DPP10: variants seen among roughly 807,000 people sequenced by gnomAD.
The protein encoded by DPP10 is inactive dipeptidyl peptidase 10.
In DPP10, 33 loss-of-function variants were observed where a neutral mutation model predicts 120.9. The ratio of observed to expected loss-of-function variants is 0.27; its 90% CI spans 0.21 to 0.37. The LOEUF is 0.37. DPP10 is among the 10% of genes least tolerant of loss of function. DPP10 has a pLI of 1.00. For synonymous variants in DPP10, 337 were observed against 326.1 expected, an observed-to-expected ratio of 1.03 and a Z score of -0.36; for missense variants, 816 against 942.8, an observed-to-expected ratio of 0.87 and a Z score of 1.76.
At chr2:115,387,384 T>C in intron 3 of DPP10, among the ~76,000 whole-genome samples, 1 of 152,328 alleles carries the variant, frequency 6.6e-6, no homozygotes, top group East Asian at 1.9e-4. Flanking sequence ...GAAAAGAAAT[T>C]ACAGAGATTT....
chr2:114,774,886 A>G (rs146191436), intron 1 of DPP10, among the ~76,000 whole-genome samples: 267 of 152,026 alleles, frequency 1.8e-3, no homozygotes, highest in African/African-American at 6.2e-3. Context: ...CTCTTTACTA[A>G]TTATGGAACG....
At chr2:114,791,801 G>A (rs902068166) in intron 1 of DPP10, among the ~76,000 whole-genome samples, 3 of 152,170 alleles carry the variant, frequency 2.0e-5, no homozygotes, top group African/African-American at 7.2e-5. Flanking sequence ...ATACATAGGA[G>A]GTGGGCATAT....
intron 5 of DPP10, among the ~76,000 whole-genome samples, chr2:115,555,748 A>G (rs183298198): frequency 6.7e-4 from 102 of 152,172 alleles, no homozygotes; most frequent in Non-Finnish European, 1.4e-3. Flanking sequence ...TTTTCTATCT[A>G]AAGATGGTAT....
intron 4 of DPP10, among the ~76,000 whole-genome samples, chr2:115,513,657 C>T (rs2077351032): frequency 6.6e-6 from 1 of 151,950 alleles, no homozygotes; most frequent in African/African-American, 2.4e-5. Flanking sequence ...ATTCCAACTT[C>T]ATTTCATGTT....
At chr2:115,176,365 G>A (rs538631079) in intron 1 of DPP10, among the ~76,000 whole-genome samples, 2 of 148,344 alleles carry the variant, frequency 1.3e-5, no homozygotes, top group Non-Finnish European at 3.0e-5. Flanking sequence ...ATTATGTAAT[G>A]TAATCAATTG....
chr2:115,516,621 A>G (rs1398694136), intron 4 of DPP10, among the ~76,000 whole-genome samples: 6 of 136,568 alleles, frequency 4.4e-5, no homozygotes, highest in Non-Finnish European at 7.9e-5. Flanking sequence ...GAATCTTCTT[A>G]ATGGTCAGAT....
chr2:114,859,553 A>G (rs1048113597), intron 1 of DPP10, among the ~76,000 whole-genome samples: 1 of 152,336 alleles, frequency 6.6e-6, no homozygotes, highest in East Asian at 1.9e-4. Context: ...TAATCAAACT[A>G]GTAATTTGAT....
At chr2:115,782,439 G>T (rs1682882429) in intron 17 of DPP10, 40 bp downstream of exon 17, 1 of 1,561,734 alleles carries the variant, frequency 6.4e-7, no homozygotes, top group Non-Finnish European at 8.8e-7. Flanking sequence ...GTTATGGTTG[G>T]CATTAGTCTT....
intron 3 of DPP10, among the ~76,000 whole-genome samples, chr2:115,429,692 C>T (rs2070794891): frequency 6.6e-6 from 1 of 151,956 alleles, no homozygotes; most frequent in Non-Finnish European, 1.5e-5. Context: ...CTAGAACCTT[C>T]GTTTGGTTCA....
chr2:114,753,737 A>C (rs1679453299), intron 1 of DPP10, among the ~76,000 whole-genome samples: 1 of 151,858 alleles, frequency 6.6e-6, no homozygotes, highest in South Asian at 2.1e-4. Flanking sequence ...GTGAAACCCC[A>C]TCTATACTTA....
chr2:114,841,605 G>A (rs143301075), intron 1 of DPP10, among the ~76,000 whole-genome samples: 34 of 152,240 alleles, frequency 2.2e-4, no homozygotes, highest in African/African-American at 7.2e-4. Flanking sequence ...TTCCCAGGAA[G>A]AGAAGTACTA....
rs149628763 is a variant in DPP10 at position 115,286,981 on chromosome 2, T to A, written c.61-22258T>A. Among the ~76,000 whole-genome samples the A allele has an allele frequency of 2.0e-5, 3 of 152,008 alleles. No homozygotes were observed. The South Asian group carries it at 6.2e-4, about 32-fold the overall frequency. On this transcript the variant is annotated intron_variant, in intron 1 of 25. Coordinates refer to ENST00000410059, the MANE Select transcript of DPP10 (RefSeq NM_020868.6). ...TCTCTCTGTGAAAGCTGGCCAAATA[T>A]TCAAGAATGTACTGAAATATTCAAA...
At chr2:115,746,325 T>A (rs1304243471) in intron 10 of DPP10, 142 bp downstream of exon 10, 2 of 750,762 alleles carry the variant, frequency 2.7e-6, no homozygotes, top group African/African-American at 3.6e-5. Flanking sequence ...TAGTGAGGAA[T>A]GAAGTCATTC....
intron 1 of DPP10, among the ~76,000 whole-genome samples, chr2:114,456,048 C>T (rs1158104229): frequency 6.6e-6 from 1 of 152,084 alleles, no homozygotes. Flanking sequence ...ACTTGACTAT[C>T]CCATCATTAT....
intron 1 of DPP10, among the ~76,000 whole-genome samples, chr2:115,223,767 T>C (rs1337773093): frequency 1.3e-5 from 2 of 152,080 alleles, no homozygotes; most frequent in Non-Finnish European, 2.9e-5. Flanking sequence ...AAAGTTGGAA[T>C]CTTTTCGAAG....
chr2:115,251,472 C>T (rs960044313), intron 1 of DPP10, among the ~76,000 whole-genome samples: 6 of 152,090 alleles, frequency 3.9e-5, no homozygotes, highest in African/African-American at 1.4e-4. Flanking sequence ...TATTAGAAAG[C>T]TTTTACTGCG....
chr2:115,798,919 T>C (rs57163631), intron 19 of DPP10, among the ~76,000 whole-genome samples: 2,189 of 152,152 alleles, frequency 0.014, 71 homozygotes, highest in African/African-American at 0.051. Context: ...TGTAGCCTTC[T>C]TCATTAATCC....
chr2:115,775,677 T>G (rs1227948632), intron 13 of DPP10, among the ~76,000 whole-genome samples: 1 of 152,050 alleles, frequency 6.6e-6, no homozygotes, highest in African/African-American at 2.4e-5. Context: ...TTTAGTACAA[T>G]TTATGACATG....
At chr2:115,766,336 ATG>A (rs5833631) in intron 12 of DPP10, among the ~76,000 whole-genome samples, 29,785 of 79,830 alleles carry the variant, frequency 0.37, 5,821 homozygotes, top group Admixed American at 0.41. Context: ...GTATATATAT[ATG>A]TATATATATA....
Sources: gnomAD v4.1 joint callset for allele counts (sites outside exome capture counted in the v4.1 genomes callset) on GRCh38, gnomAD v4.1.1 for gene constraint, MANE v1.5 for transcripts, NCBI Gene and HGNC (gene_info 2026-07-23, HGNC 2026-07-21) for gene names.